Variants in ZCCHC14 observed in about 807,000 individuals in gnomAD.
ZCCHC14 encodes the protein zinc finger CCHC domain-containing protein 14.
Under a neutral mutation model 85.0 loss-of-function variants are expected in ZCCHC14, and 16 were observed. The observed-to-expected ratio is 0.19, with a 90% CI of 0.13 to 0.29. ZCCHC14 has a LOEUF of 0.29. ZCCHC14 is among the 10% of genes least tolerant of loss of function. The pLI, the probability that ZCCHC14 is intolerant of heterozygous loss-of-function variation, is 1.00. For missense variants in ZCCHC14, 1,303 were observed against 1,443.5 expected (o/e 0.90, Z 1.58); for synonymous variants, 775 against 630.7 (o/e 1.23, Z -3.43).
At position 87,411,690 on chromosome 16, in the gene ZCCHC14, G is replaced by C; in HGVS notation, c.3031C>G (p.Pro1011Ala). 1 of 1,614,124 alleles carries C rather than the reference G, an allele frequency of 6.2e-7. No homozygotes were observed. ...LSGQSTFAVPPMQNFMAGTAG... is the reference protein window; with the variant it reads ...LSGQSTFAVPAMQNFMAGTAG... ...GTCCCTGCCATGAAGTTCTGCATGG[G>C]TGGCACGGCAAACGTGGACTGCCCA... is the stretch of plus-strand genomic sequence containing the variant. The change falls in exon 12 of 13, where the codon CCC becomes GCC. Residue 1011 changes from proline to alanine, a missense_variant. Transcript: ENST00000671377.
At chr16:87,464,883 C>A (rs775885279) in intron 1 of ZCCHC14, among the ~76,000 whole-genome samples, 2 of 152,188 alleles carry the variant, frequency 1.3e-5, no homozygotes, top group Admixed American at 1.3e-4. Context: ...CCGCAGGACT[C>A]GTCATCTGGC....
intron 2 of ZCCHC14, among the ~76,000 whole-genome samples, chr16:87,453,730 G>T (rs1299654425): frequency 6.6e-6 from 1 of 152,192 alleles, no homozygotes; most frequent in South Asian, 2.1e-4. Flanking sequence ...AGAAAAGCTG[G>T]AAACTCTATA....
chr16:87,490,598 G>C (rs1487977608), intron 1 of ZCCHC14, among the ~76,000 whole-genome samples: 1 of 152,198 alleles, frequency 6.6e-6, no homozygotes, highest in Non-Finnish European at 1.5e-5. Context: ...GTTCAATTTG[G>C]AGACCGGAGA....
At chr16:87,431,584 C>T (rs999972871) in intron 3 of ZCCHC14, among the ~76,000 whole-genome samples, 3 of 152,086 alleles carry the variant, frequency 2.0e-5, no homozygotes, top group African/African-American at 7.2e-5. Context: ...CTCCTGATTT[C>T]CTCACCACAA....
At chr16:87,449,940 G>A (rs757055608) in intron 2 of ZCCHC14, among the ~76,000 whole-genome samples, 2 of 152,228 alleles carry the variant, frequency 1.3e-5, no homozygotes, top group Non-Finnish European at 2.9e-5. Context: ...AGTTACTGGG[G>A]AGGCTGAGGC....
At chr16:87,480,586 G>C (rs1208705562) in intron 1 of ZCCHC14, among the ~76,000 whole-genome samples, 1 of 152,124 alleles carries the variant, frequency 6.6e-6, no homozygotes, top group Non-Finnish European at 1.5e-5. Context: ...AAAAGAAAAA[G>C]CCAAAGGGAA....
intron 1 of ZCCHC14, among the ~76,000 whole-genome samples, chr16:87,482,067 G>C (rs955749185): frequency 2.1e-4 from 32 of 152,290 alleles, no homozygotes; most frequent in African/African-American, 7.7e-4. Flanking sequence ...AATGGCAGTG[G>C]CAGAGCCCTC....
chr16:87,438,499 G>A lies in ZCCHC14; in HGVS notation c.695-5298C>T, dbSNP rs78511947. Among the ~76,000 whole-genome samples the A allele has an allele frequency of 8.8e-3, 1,335 of 152,310 alleles. 63 individuals are homozygous for A. The highest frequency in any genetic ancestry group is 0.078 in the Admixed American group (1,188 of 15,302). On this transcript the variant is annotated intron_variant, in intron 2 of 12. Coordinates refer to ENST00000671377, the MANE Select transcript of ZCCHC14 (RefSeq NM_015144.3). ...AGTTAATGACACACGGGAAGGAGAC[G>A]GAATGATGCCTCCCAAGACCTGAGT...
chr16:87,468,437 A>G (rs1285164711), intron 1 of ZCCHC14, among the ~76,000 whole-genome samples: 1 of 150,538 alleles, frequency 6.6e-6, no homozygotes, highest in East Asian at 2.0e-4. Context: ...TTATATTACA[A>G]TAAATGATAC....
intron 1 of ZCCHC14, among the ~76,000 whole-genome samples, chr16:87,465,457 ACT>A (rs1911475236): frequency 6.6e-6 from 1 of 152,038 alleles, no homozygotes; most frequent in African/African-American, 2.4e-5. Flanking sequence ...ATGAAATATG[ACT>A]CTGAAGCAAG....
At chr16:87,443,205 G>C (rs532640250) in intron 2 of ZCCHC14, among the ~76,000 whole-genome samples, 11 of 152,218 alleles carry the variant, frequency 7.2e-5, no homozygotes, top group Admixed American at 4.6e-4. Context: ...ACTGTGACCG[G>C]AAGGGCAGAG....
At chr16:87,417,880 C>A (rs2150726272) in intron 7 of ZCCHC14, 138 bp from the exon 8 acceptor site, 1 of 1,007,942 alleles carries the variant, frequency 9.9e-7, no homozygotes, top group East Asian at 2.6e-5. Context: ...CCACCCTGAA[C>A]TGCCAACACT....
chr16:87,488,471 T>A (rs1912611089), intron 1 of ZCCHC14, among the ~76,000 whole-genome samples: 2 of 152,218 alleles, frequency 1.3e-5, no homozygotes, highest in African/African-American at 2.4e-5. Context: ...CCCCCACTTT[T>A]ACACCTCTAG....
chr16:87,421,238 T>C (rs944491006), intron 4 of ZCCHC14, among the ~76,000 whole-genome samples: 6 of 152,120 alleles, frequency 3.9e-5, no homozygotes, highest in African/African-American at 1.4e-4. Flanking sequence ...CCAGGCCTAG[T>C]GCAATTCCCG....
chr16:87,461,443 G>A (rs950082378), intron 1 of ZCCHC14, among the ~76,000 whole-genome samples: 1 of 152,224 alleles, frequency 6.6e-6, no homozygotes, highest in South Asian at 2.1e-4. Context: ...AGAGGCGTAA[G>A]ATTTTAAAGT....
chr16:87,470,725 G>T (rs1167971622), intron 1 of ZCCHC14: 1 of 152,212 alleles, frequency 6.6e-6, no homozygotes, highest in Non-Finnish European at 1.5e-5. Flanking sequence ...CCAGATGACT[G>T]AATATTATGC....
At chr16:87,475,504 G>A (rs913132870) in intron 1 of ZCCHC14, among the ~76,000 whole-genome samples, 1 of 144,116 alleles carries the variant, frequency 6.9e-6, no homozygotes, top group African/African-American at 2.6e-5. Flanking sequence ...AGTGAGCCGA[G>A]AGTGTGCCAC....
At chr16:87,445,248 G>C (rs1357376573) in intron 2 of ZCCHC14, among the ~76,000 whole-genome samples, 1 of 151,992 alleles carries the variant, frequency 6.6e-6, no homozygotes, top group Admixed American at 6.6e-5. Flanking sequence ...TGTATTTTTA[G>C]TAGAAACGGG....
Position 87,418,901 on chromosome 16 carries a change from C to T in ZCCHC14, c.1046G>A (p.Ser349Asn). The T allele has an allele frequency of 1.2e-6, 2 of 1,607,924 alleles. No homozygotes were observed. The stretch of plus-strand genomic sequence containing the variant: ...TTTAGAAAGGGAGGGATTGCCAGGA[C>T]CTATAAATTTAAAAATAAATACCAT... The part of the protein sequence containing the change: ...SSPPQQLQSP[S>N]PGNPSLSKVG... Residue 349 changes from serine to asparagine, a missense_variant and splice_region_variant, in exon 7 of 13, where the codon AGT becomes AAT. Ser to Asn is a conservative substitution (Grantham distance 46). Coordinates refer to ENST00000671377, the MANE Select transcript of ZCCHC14 (RefSeq NM_015144.3).
Sources: gnomAD v4.1 joint callset for allele counts (sites outside exome capture counted in the v4.1 genomes callset) on GRCh38, gnomAD v4.1.1 for gene constraint, MANE v1.5 for transcripts, NCBI Gene and HGNC (gene_info 2026-07-23, HGNC 2026-07-21) for gene names.